TCF12: variants seen among roughly 807,000 people sequenced by gnomAD.
TCF12 encodes transcription factor 12.
A neutral mutation model predicts 86.0 loss-of-function variants in TCF12; 45 were observed. The observed-to-expected ratio is 0.52, with a 90% CI of 0.41 to 0.67. TCF12 has a LOEUF of 0.67. TCF12 is among the 30% of genes least tolerant of loss of function. The pLI is 0.00. For missense variants in TCF12, 881 were observed against 859.9 expected, an observed-to-expected ratio of 1.02 and a Z score of -0.31; for synonymous variants, 330 against 299.6, an observed-to-expected ratio of 1.10 and a Z score of -1.05.
intron 5 of TCF12, among the ~76,000 whole-genome samples, chr15:57,153,152 C>A (rs2053883490): frequency 6.6e-6 from 1 of 152,060 alleles, no homozygotes; most frequent in African/African-American, 2.4e-5. Flanking sequence ...TGAGAAAATC[C>A]ATTCCCAGCA....
At chr15:56,935,706 A>G (rs567603927) in intron 3 of TCF12, among the ~76,000 whole-genome samples, 1 of 152,110 alleles carries the variant, frequency 6.6e-6, no homozygotes, top group African/African-American at 2.4e-5. Flanking sequence ...GCTCCTGCTT[A>G]TGAGTGAGAA....
chr15:56,963,639 T>C (rs1323332918), intron 3 of TCF12, among the ~76,000 whole-genome samples: 4 of 152,232 alleles, frequency 2.6e-5, no homozygotes, highest in Non-Finnish European at 4.4e-5. Flanking sequence ...TTTCATACTT[T>C]AGGGCATCTG....
intron 8 of TCF12, among the ~76,000 whole-genome samples, chr15:57,203,425 G>A (rs551267786): frequency 1.3e-5 from 2 of 152,260 alleles, no homozygotes; most frequent in African/African-American, 4.8e-5. Context: ...GATAATAGAA[G>A]AAGCAAGATA....
intron 5 of TCF12, among the ~76,000 whole-genome samples, chr15:57,155,318 TTTTTA>T (rs1316611122): frequency 2.6e-4 from 39 of 152,340 alleles, no homozygotes; most frequent in African/African-American, 8.9e-4. Flanking sequence ...ATATGTAAGA[TTTTTA>T]TTTTGAGTTA....
intron 6 of TCF12, among the ~76,000 whole-genome samples, chr15:57,187,845 G>T (rs113605634): frequency 0.051 from 7,731 of 152,090 alleles, 356 homozygotes; most frequent in African/African-American, 0.13. Flanking sequence ...CAGGAGAATC[G>T]CTTGAACCTG....
In TCF12 at chr15:56,991,775, A is replaced by T. The variant is rs748348117; in HGVS notation, c.148+70677A>T. Among the ~76,000 whole-genome samples the T allele has an allele frequency of 2.7e-5, 4 of 150,728 alleles. No individual in the cohort carries two copies. In the East Asian group the frequency reaches 7.8e-4, roughly 29 times the overall value. On this transcript the variant is annotated intron_variant, in intron 3 of 20. Coordinates refer to ENST00000333725, the MANE Select transcript of TCF12 (RefSeq NM_207037.2). ...CTCTTCTGTCAGAACTACAAAGTTAAATCTCAATTATAGTGCCCTTTTTTT... is the reference window on the plus strand; with the variant it reads ...CTCTTCTGTCAGAACTACAAAGTTATATCTCAATTATAGTGCCCTTTTTTT...
At position 57,232,796 on chromosome 15, in the gene TCF12, A is replaced by G. The variant is rs773198248; in HGVS notation, c.910A>G (p.Ser304Gly). The G allele has an allele frequency of 1.2e-6, 2 of 1,612,980 alleles. No individual in the cohort carries two copies. Among genetic ancestry groups the G allele is most frequent in the Non-Finnish European group, 1.7e-6 (2 of 1,179,452 alleles). The change falls in exon 11 of 21, where the codon AGT becomes GGT. Residue 304 changes from serine (S) to glycine (G), a missense_variant. Physicochemically the swap from Ser to Gly is moderately conservative, Grantham distance 56. This residue lies in a region of TCF12 where 766 missense variants were observed against 718.9 expected (regional missense o/e 1.07). Coordinates refer to ENST00000333725, the MANE Select transcript of TCF12 (RefSeq NM_207037.2). ...CAGCTTTCATCGCGGCAGTACCAGCAGTTCACCTTACGTTGCTGCCTCACA... is the reference window on the plus strand; with the variant it reads ...CAGCTTTCATCGCGGCAGTACCAGCGGTTCACCTTACGTTGCTGCCTCACA... ...MSSFHRGSTS[S>G]SPYVAASHTP...
chr15:57,031,891 G>C (rs1407056756), intron 3 of TCF12, among the ~76,000 whole-genome samples: 1 of 152,132 alleles, frequency 6.6e-6, no homozygotes, highest in Non-Finnish European at 1.5e-5. Flanking sequence ...GACATCAGCT[G>C]ACAGCCGTTG....
downstream of TCF12, chr15:57,291,260 T>C (rs990579972): frequency 6.6e-6 from 1 of 152,234 alleles, no homozygotes; most frequent in Non-Finnish European, 1.5e-5. Flanking sequence ...ATACTTTCAA[T>C]CATCTCTACT....
At chr15:56,921,582 T>C (rs887093977) in intron 3 of TCF12, among the ~76,000 whole-genome samples, 1 of 151,984 alleles carries the variant, frequency 6.6e-6, no homozygotes, top group Admixed American at 6.6e-5. Context: ...TTTAAAAATA[T>C]TTTAGAAGGA....
intron 18 of TCF12, among the ~76,000 whole-genome samples, chr15:57,268,011 G>A (rs1357724605): frequency 6.6e-6 from 1 of 152,202 alleles, no homozygotes; most frequent in African/African-American, 2.4e-5. Flanking sequence ...CAGTGGTAGT[G>A]TTATGGTGGT....
chr15:56,948,348 C>A (rs1023503317), intron 3 of TCF12, among the ~76,000 whole-genome samples: 1 of 152,072 alleles, frequency 6.6e-6, no homozygotes, highest in African/African-American at 2.4e-5. Flanking sequence ...TACAGAAAAG[C>A]CTGCATAAGG....
chr15:57,274,025 C>T (rs1356113666), intron 19 of TCF12, among the ~76,000 whole-genome samples: 1 of 152,168 alleles, frequency 6.6e-6, no homozygotes, highest in Admixed American at 6.5e-5. Flanking sequence ...GAGGTTTTAC[C>T]ATCAAGCTTG....
chr15:56,945,717 TC>T (rs2060965243), intron 3 of TCF12, among the ~76,000 whole-genome samples: 2 of 152,164 alleles, frequency 1.3e-5, no homozygotes, highest in African/African-American at 2.4e-5. Flanking sequence ...GAATGTCCCT[TC>T]CAAAGCTCAC....
chr15:57,211,977 CACCACACA>C (rs1227140345), intron 8 of TCF12, among the ~76,000 whole-genome samples: 1 of 5,422 alleles, frequency 1.8e-4, no homozygotes, highest in African/African-American at 2.9e-4. Context: ...CACACACACA[CACCACACA>C]CACACACACA....
chr15:56,920,987 A>T, intron 2 of TCF12, 39 bp from the exon 3 acceptor site: 1 of 1,506,434 alleles, frequency 6.6e-7, no homozygotes, highest in South Asian at 1.3e-5. Context: ...AATCTAGAAG[A>T]ATTTCAGGAC....
At chr15:57,080,217 G>A (rs1487306005) in intron 4 of TCF12, among the ~76,000 whole-genome samples, 3 of 152,178 alleles carry the variant, frequency 2.0e-5, no homozygotes, top group Admixed American at 1.3e-4. Context: ...TATATCTAAT[G>A]TACTCACAGT....
At position 57,101,295 on chromosome 15, in the gene TCF12, TC is replaced by T. The variant is rs1412770004; in HGVS notation, c.325+9407del. Among the ~76,000 whole-genome samples the T allele has an allele frequency of 4.1e-4, 62 of 152,092 alleles. 1 individual carries two copies. Among genetic ancestry groups the T allele is most frequent in the Non-Finnish European group, 1.9e-4 (13 of 68,014 alleles). On this transcript the variant is annotated intron_variant, in intron 5 of 20. Coordinates refer to ENST00000333725, the MANE Select transcript of TCF12 (RefSeq NM_207037.2). ...TCTATGGCTTACTGCAGCCCCAACT[TC>T]CCAGGCTCCAGTGATCCTCCCACTC...
intron 8 of TCF12, chr15:57,219,597 CTTTTT>C (rs1159632481): frequency 1.2e-5 from 20 of 1,611,096 alleles, no homozygotes; most frequent in African/African-American, 2.7e-5. Flanking sequence ...AACGGTAAGC[CTTTTT>C]CTTTGTATAG....
Sources: gnomAD v4.1 joint callset for allele counts (sites outside exome capture counted in the v4.1 genomes callset) on GRCh38, gnomAD v4.1.1 for gene constraint, gnomAD v4.1.1 regional missense constraint, MANE v1.5 for transcripts, NCBI Gene and HGNC (gene_info 2026-07-23, HGNC 2026-07-21) for gene names.